GRID2: variants seen among roughly 807,000 people sequenced by gnomAD.
GRID2 encodes the protein glutamate receptor ionotropic, delta-2.
GRID2 carries 33 observed loss-of-function variants against 114.8 expected under a neutral mutation model. The ratio of observed to expected loss-of-function variants is 0.29; its 90% confidence interval spans 0.22 to 0.38. GRID2 has a LOEUF of 0.38. GRID2 is among the 10% of genes least tolerant of loss of function. The probability of loss-of-function intolerance (pLI) is 1.00; values close to 1 mark genes in which losing one functional copy is unlikely to be tolerated. For missense variants in GRID2, 1,184 were observed against 1,257.7 expected, an observed-to-expected ratio of 0.94 and a Z score of 0.89; for synonymous variants, 505 against 449.9, an observed-to-expected ratio of 1.12 and a Z score of -1.55.
At chr4:92,471,926 C>CTTTTTTTTTTT (rs1186215701) in intron 1 of GRID2, among the ~76,000 whole-genome samples, 1 of 57,322 alleles carries the variant, frequency 1.7e-5, no homozygotes, top group East Asian at 5.0e-4. Flanking sequence ...ATCCATATTT[C>CTTTTTTTTTTT]TTTTTTTTTT....
At chr4:92,800,832 G>A (rs1404620573) in intron 2 of GRID2, among the ~76,000 whole-genome samples, 1 of 151,898 alleles carries the variant, frequency 6.6e-6, no homozygotes, top group African/African-American at 2.4e-5. Context: ...ATAATAAGAT[G>A]ACAGTTGAAA....
rs530714507 is a variant in GRID2, at chr4:93,314,368, G to A, written c.1245+75878G>A. Reference sequence around the variant, plus strand: ...AATGAAAAAAACACATTCTTCCAATGTCCTACAAGACCCAACATCATAAGT... The same window carrying A: ...AATGAAAAAAACACATTCTTCCAATATCCTACAAGACCCAACATCATAAGT... On this transcript the variant is annotated intron_variant, in intron 8 of 15. Transcript: ENST00000282020. Among the ~76,000 whole-genome samples, 3 of 144,478 alleles carry A rather than the reference G, an allele frequency of 2.1e-5. No homozygotes were observed. The South Asian group carries it at 6.8e-4, about 33-fold the overall frequency. The allele number at this position is 144,478 out of a possible 152,430, so 94.8% of individuals were successfully genotyped here.
chr4:92,606,722 AAAG>A (rs1234263558), intron 2 of GRID2, among the ~76,000 whole-genome samples: 3 of 151,958 alleles, frequency 2.0e-5, no homozygotes, highest in African/African-American at 7.2e-5. Flanking sequence ...ACCCATTGAA[AAAG>A]AAGCCCTACC....
intron 2 of GRID2, among the ~76,000 whole-genome samples, chr4:92,830,889 T>C (rs956146602): frequency 1.3e-5 from 2 of 152,208 alleles, no homozygotes; most frequent in African/African-American, 4.8e-5. Flanking sequence ...GAACATATCA[T>C]AGAGCAGTCA....
At chr4:92,326,087 TCTC>T (rs779347936) in intron 1 of GRID2, among the ~76,000 whole-genome samples, 5 of 151,822 alleles carry the variant, frequency 3.3e-5, no homozygotes, top group Non-Finnish European at 7.4e-5. Flanking sequence ...AGCATTTAAT[TCTC>T]CTGGCAGTTT....
chr4:93,719,407 T>A (rs972392294), intron 14 of GRID2, among the ~76,000 whole-genome samples: 1 of 152,126 alleles, frequency 6.6e-6, no homozygotes, highest in Non-Finnish European at 1.5e-5. Context: ...CAAGGGACTT[T>A]TTTTTTTAAG....
intron 1 of GRID2, among the ~76,000 whole-genome samples, chr4:92,514,293 C>A (rs868487329): frequency 2.6e-5 from 4 of 151,778 alleles, no homozygotes; most frequent in Non-Finnish European, 5.9e-5. Context: ...ACTTTATAAT[C>A]ACTTTGACAG....
intron 2 of GRID2, among the ~76,000 whole-genome samples, chr4:92,954,218 C>G (rs1331973605): frequency 6.6e-6 from 1 of 151,794 alleles, no homozygotes. Context: ...TGTATACACA[C>G]AAACATATAC....
chr4:93,159,406 C>T (rs1176445887), intron 4 of GRID2, among the ~76,000 whole-genome samples: 1 of 151,782 alleles, frequency 6.6e-6, no homozygotes, highest in Admixed American at 6.6e-5. Context: ...GTTTTTGAGT[C>T]ATCCAGTCAT....
chr4:93,148,587 C>G (rs1300172591), intron 4 of GRID2, among the ~76,000 whole-genome samples: 1 of 152,010 alleles, frequency 6.6e-6, no homozygotes, highest in Non-Finnish European at 1.5e-5. Context: ...TTTATTGAAG[C>G]ATGACTTAAG....
chr4:92,406,318 T>C lies in GRID2; in HGVS notation c.88+101574T>C, dbSNP rs189520557. Among the ~76,000 whole-genome samples, 21 of 152,324 alleles carry C rather than the reference T, an allele frequency of 1.4e-4. 1 individual carries two copies. The highest frequency in any genetic ancestry group is 8.5e-4 in the Admixed American group (13 of 15,298). ...TATAAAATCTCATTTATCCCTTAAA[T>C]TTTAGGCCTTTAGTTTTTGAAGCAC... is the stretch of plus-strand genomic sequence containing the variant. On this transcript the variant is annotated intron_variant, in intron 1 of 15. Coordinates refer to ENST00000282020, the MANE Select transcript of GRID2 (RefSeq NM_001510.4).
chr4:93,644,416 C>T (rs747388835), intron 14 of GRID2, among the ~76,000 whole-genome samples: 3 of 152,166 alleles, frequency 2.0e-5, no homozygotes, highest in Middle Eastern at 3.4e-3. Context: ...GGAACTGGCA[C>T]GCTAAAAAAA....
intron 4 of GRID2, among the ~76,000 whole-genome samples, chr4:93,156,918 A>G (rs899113968): frequency 1.3e-5 from 2 of 151,738 alleles, no homozygotes; most frequent in African/African-American, 4.8e-5. Context: ...AAAGGAAATC[A>G]AGGATCAGTT....
chr4:93,807,702 T>C (rs1735059582), exon 2 of GRID2: 1 of 152,206 alleles, frequency 6.6e-6, no homozygotes, highest in African/African-American at 2.4e-5. Context: ...TCATTTATAA[T>C]ACCTCTTCAA....
chr4:92,645,669 C>T (rs1036726856), intron 2 of GRID2, among the ~76,000 whole-genome samples: 6 of 151,820 alleles, frequency 4.0e-5, no homozygotes, highest in African/African-American at 1.4e-4. Context: ...TGCTCACTAC[C>T]CCCATGAGCG....
intron 14 of GRID2, among the ~76,000 whole-genome samples, chr4:93,737,161 T>G (rs1244775777): frequency 6.6e-6 from 1 of 152,082 alleles, no homozygotes; most frequent in Non-Finnish European, 1.5e-5. Flanking sequence ...GCTCAAAGAG[T>G]GTTAGTTCCT....
chr4:93,440,884 A>G (rs1044184900), intron 10 of GRID2, among the ~76,000 whole-genome samples: 2 of 152,084 alleles, frequency 1.3e-5, no homozygotes, highest in African/African-American at 4.8e-5. Context: ...ATAGATGGCA[A>G]GCGCAGATAA....
intron 1 of GRID2, among the ~76,000 whole-genome samples, chr4:92,492,240 C>A (rs1239547618): frequency 6.6e-6 from 1 of 152,140 alleles, no homozygotes; most frequent in Admixed American, 6.5e-5. Flanking sequence ...AAGACTCTAC[C>A]GAACTGTCAA....
exon 2 of GRID2, chr4:93,809,475 G>A (rs1735092008): frequency 6.6e-6 from 1 of 152,138 alleles, no homozygotes; most frequent in African/African-American, 2.4e-5. Flanking sequence ...ATAACATAAA[G>A]TTTCTATAAA....
Sources: allele counts gnomAD v4.1 joint callset (sites outside exome capture counted in the v4.1 genomes callset), GRCh38; gene constraint gnomAD v4.1.1; transcripts MANE v1.5; gene names NCBI Gene and HGNC (gene_info 2026-07-23, HGNC 2026-07-21).